The following DISC1 variants were observed in gnomAD, a reference collection of about 807,000 sequenced individuals.
DISC1 encodes DISC1 scaffold protein, also known as disrupted in schizophrenia 1 protein.
Under a neutral mutation model 84.5 loss-of-function variants are expected in DISC1, and 57 were observed. That is an observed-to-expected ratio of 0.67 (90% CI 0.55 to 0.84). DISC1 has a LOEUF of 0.84. DISC1 is among the 40% of genes least tolerant of loss of function. DISC1 has a pLI of 0.00. For missense variants in DISC1, 1,000 were observed against 1,057.8 expected (o/e 0.95, Z 0.76); for synonymous variants, 411 against 415.2 (o/e 0.99, Z 0.12).
chr1:231,768,332 C>T (rs1025488296), intron 5 of DISC1, among the ~76,000 whole-genome samples: 2 of 152,062 alleles, frequency 1.3e-5, no homozygotes, highest in South Asian at 4.1e-4. Flanking sequence ...ATAGAGTATT[C>T]GTGTTATCTG....
Position 231,800,172 on chromosome 1 carries a change from T to C in DISC1, c.1754T>C (p.Leu585Pro). Residue 585 changes from leucine to proline, a missense_variant, in exon 8 of 13, where the codon CTA (leucine) becomes CCA (proline). Leu to Pro is a moderately conservative substitution (Grantham distance 98). This residue lies in a region of DISC1 where 397 missense variants were observed against 377.5 expected (regional missense o/e 1.05). Transcript: ENST00000439617. ...AAAGTTAACGATATTGAAACCCAAC[T>C]ACCAGCCTTGCTTGAAGCCAAAATG... ...RKKVNDIETQ[L>P]PALLEAKMHA... 1 of 1,612,106 alleles carries C rather than the reference T, an allele frequency of 6.2e-7. No homozygotes were observed. Among genetic ancestry groups the C allele is most frequent in the Non-Finnish European group, 8.5e-7 (1 of 1,179,714 alleles).
intron 3 of DISC1, among the ~76,000 whole-genome samples, chr1:231,703,835 G>A (rs2066707470): frequency 6.6e-6 from 1 of 152,162 alleles, no homozygotes; most frequent in South Asian, 2.1e-4. Context: ...TTTCAGGGTG[G>A]GCTCAGCATT....
intron 9 of DISC1, among the ~76,000 whole-genome samples, chr1:231,858,727 G>A (rs1459742665): frequency 2.0e-5 from 3 of 152,038 alleles, no homozygotes; most frequent in African/African-American, 4.8e-5. Flanking sequence ...CTCATGTTCC[G>A]TTTCTCTGGG....
chr1:232,039,533 G>C lies in DISC1; in HGVS notation c.*2702G>C, dbSNP rs558248630. 6.6e-6 allele frequency: 1 copy of C among 152,092 alleles called. No homozygotes were observed. Among genetic ancestry groups the C allele is most frequent in the Non-Finnish European group, 1.5e-5 (1 of 68,024 alleles). The allele number at this position is 152,092 out of a possible 1,614,324, so 9.4% of individuals were successfully genotyped here. A position where few individuals can be genotyped will look rare whatever the true frequency, so the allele number is the denominator to read the frequency against. On this transcript the variant is annotated 3_prime_UTR_variant, in exon 13 of 13. Transcript: ENST00000439617. ...TTTAACCACAAGCCATAACTCATCT[G>C]TTGTCTTTGCTTGGTCTTAGAGTAT...
chr1:231,879,894 G>T (rs2086170292), intron 9 of DISC1, among the ~76,000 whole-genome samples: 1 of 152,188 alleles, frequency 6.6e-6, no homozygotes, highest in African/African-American at 2.4e-5. Flanking sequence ...GAAGCAATTA[G>T]ATACAGAGGT....
rs545252316 is a variant in DISC1 at position 231,958,009 on chromosome 1, C to T, written c.1982-819C>T. Among the ~76,000 whole-genome samples the T allele has an allele frequency of 1.3e-4, 20 of 152,278 alleles. No individual in the cohort carries two copies. In the East Asian group the frequency reaches 3.7e-3, roughly 28 times the overall value. On this transcript the variant is annotated intron_variant, in intron 9 of 12. Transcript: ENST00000439617. ...AAAACAATGATAAAACCCACAATAA[C>T]AATAATAATACTAGTAATAGACATG... is the stretch of plus-strand genomic sequence containing the variant.
chr1:231,704,685 A>G (rs1345255411), intron 3 of DISC1, among the ~76,000 whole-genome samples: 4 of 130,796 alleles, frequency 3.1e-5, no homozygotes, highest in South Asian at 5.1e-4. Flanking sequence ...GCGTGAACCC[A>G]GGGGGCGGAG....
At chr1:231,662,539 G>A (rs1006033602) in intron 1 of DISC1, among the ~76,000 whole-genome samples, 2 of 152,226 alleles carry the variant, frequency 1.3e-5, no homozygotes, top group Non-Finnish European at 1.5e-5. Context: ...GTGTGGCAAA[G>A]CAGCTGTGCT....
intron 9 of DISC1, chr1:231,945,090 G>T (rs1656891431): frequency 6.6e-6 from 1 of 152,092 alleles, no homozygotes; most frequent in Non-Finnish European, 1.5e-5. Context: ...GGACTAAGCG[G>T]ACCTAATAGA....
chr1:231,859,301 G>C (rs1391935301), intron 9 of DISC1, among the ~76,000 whole-genome samples: 2 of 152,164 alleles, frequency 1.3e-5, no homozygotes, highest in East Asian at 3.9e-4. Flanking sequence ...AAGTACCATA[G>C]ACTGAGTGGC....
chr1:231,886,331 T>A (rs980899817), intron 9 of DISC1, among the ~76,000 whole-genome samples: 17 of 152,224 alleles, frequency 1.1e-4, no homozygotes. Context: ...GGTTTGCTAG[T>A]GGTAAATCTT....
intron 3 of DISC1, among the ~76,000 whole-genome samples, chr1:231,718,072 C>T (rs2069020107): frequency 6.6e-6 from 1 of 152,106 alleles, no homozygotes; most frequent in African/African-American, 2.4e-5. Flanking sequence ...GGGACATGAG[C>T]CACTACACCT....
At chr1:231,871,960 G>C (rs2085495561) in intron 9 of DISC1, among the ~76,000 whole-genome samples, 1 of 152,164 alleles carries the variant, frequency 6.6e-6, no homozygotes, top group Non-Finnish European at 1.5e-5. Context: ...AGACTGGAGA[G>C]TCCCATCTCT....
At position 231,630,909 on chromosome 1, in the gene DISC1, A is replaced by G. The variant is rs1473441024; in HGVS notation, c.67+3975A>G. 6.6e-6 allele frequency among the ~76,000 whole-genome samples: 1 copy of G among 152,190 alleles called. No homozygotes were observed. The highest frequency in any genetic ancestry group is 1.5e-5 in the Non-Finnish European group (1 of 68,032). ...ACTGTGGCTGGGCAATGAATGAAAT[A>G]CTGACATTTAGCTGTAGAAGGTAGG... On this transcript the variant is annotated intron_variant, in intron 1 of 12. Transcript: ENST00000439617. The surrounding 1 kb of genome is among the most constrained non-coding windows in gnomAD (Gnocchi z 4.4).
chr1:232,032,843 A>G (rs979567674), intron 12 of DISC1, among the ~76,000 whole-genome samples: 2 of 152,232 alleles, frequency 1.3e-5, no homozygotes, highest in Non-Finnish European at 2.9e-5. Context: ...TTTGACAACA[A>G]TTAAGGTCAA....
chr1:231,687,214 A>C (rs766368949), intron 1 of DISC1, among the ~76,000 whole-genome samples: 13 of 151,862 alleles, frequency 8.6e-5, no homozygotes, highest in East Asian at 1.9e-4. Context: ...GGAATGCCCC[A>C]CTCTACTGGT....
intron 11 of DISC1, among the ~76,000 whole-genome samples, chr1:232,014,588 A>G (rs1167524479): frequency 6.6e-6 from 1 of 152,242 alleles, no homozygotes; most frequent in African/African-American, 2.4e-5. Context: ...AAGATGATGC[A>G]TGCGTATTTT....
In DISC1 at chr1:231,947,067, G is replaced by T. The variant is rs563627246; in HGVS notation, c.1982-11761G>T. 2.0e-5 allele frequency among the ~76,000 whole-genome samples: 3 copies of T among 152,244 alleles called. No individual in the cohort carries two copies. The East Asian group carries it at 5.8e-4, about 29-fold the overall frequency. On this transcript the variant is annotated intron_variant, in intron 9 of 12. Coordinates refer to ENST00000439617, the MANE Select transcript of DISC1 (RefSeq NM_018662.3). ...ATAGATTCAATGCTATCCCCATCAA[G>T]CTACCACTGACTTTCTTCACAGAAT...
chr1:232,009,064 C>T lies in DISC1; in HGVS notation c.2307+15C>T, dbSNP rs762694827. On this transcript the variant is annotated intron_variant, in intron 11 of 12. Transcript: ENST00000439617. The surrounding 1 kb of genome is among the most constrained non-coding windows in gnomAD (Gnocchi z 4.6). ...AACAGAAAGAGGTCTGTCCTTTTCACATGGCCTCCAGAGGGGACCCTTATT... is the reference window on the plus strand; with the variant it reads ...AACAGAAAGAGGTCTGTCCTTTTCATATGGCCTCCAGAGGGGACCCTTATT... 1 of 1,613,604 alleles carries T rather than the reference C, an allele frequency of 6.2e-7. No homozygotes were observed. Among genetic ancestry groups the T allele is most frequent in the African/African-American group, 1.3e-5 (1 of 74,914 alleles).
Sources: gnomAD v4.1 joint callset for allele counts (sites outside exome capture counted in the v4.1 genomes callset) on GRCh38, gnomAD v4.1.1 for gene constraint, gnomAD v4.1.1 regional missense constraint, Gnocchi (gnomAD v3.1) non-coding constraint, MANE v1.5 for transcripts, NCBI Gene and HGNC (gene_info 2026-07-23, HGNC 2026-07-21) for gene names.